NCOR2: variants seen among roughly 807,000 people sequenced by gnomAD.
NCOR2 encodes nuclear receptor corepressor 2.
NCOR2 carries 81 observed loss-of-function variants against 262.9 expected under a neutral mutation model. That is an observed-to-expected ratio of 0.31 (90% confidence interval 0.26 to 0.37). The LOEUF is 0.37. NCOR2 is among the 10% of genes least tolerant of loss of function. The pLI, the probability that NCOR2 is intolerant of heterozygous loss-of-function variation, is 1.00. For missense variants in NCOR2, 3,385 were observed against 3,621.4 expected (o/e 0.93, Z 1.68); for synonymous variants, 1,659 against 1,559.3 (o/e 1.06, Z -1.51).
At chr12:124,509,925 G>A (rs1029297044) in intron 1 of NCOR2, among the ~76,000 whole-genome samples, 1 of 152,032 alleles carries the variant, frequency 6.6e-6, no homozygotes, top group Non-Finnish European at 1.5e-5. Flanking sequence ...GGAACATCAC[G>A]ATCTCTCTTG....
chr12:124,503,907 C>T lies in NCOR2; in HGVS notation c.-117-8539G>A, dbSNP rs1016946723. Reference sequence around the variant, plus strand: ...CATGTCTTCATCCTGCTAATATTCCCAGGCCCTCCCACATGCCCAGCTCCA... The same window carrying T: ...CATGTCTTCATCCTGCTAATATTCCTAGGCCCTCCCACATGCCCAGCTCCA... On this transcript the variant is annotated intron_variant, in intron 1 of 46. Transcript: ENST00000404621. This position sits in a 1 kb window ranked among gnomAD's most constrained non-coding sequence, Gnocchi z 4.3. 6.6e-6 allele frequency among the ~76,000 whole-genome samples: 1 copy of T among 152,186 alleles called. No individual in the cohort carries two copies. The highest frequency in any genetic ancestry group is 1.5e-5 in the Non-Finnish European group (1 of 68,032).
At chr12:124,385,695 C>A in intron 17 of NCOR2, 50 bp downstream of exon 19, 1 of 1,601,482 alleles carries the variant, frequency 6.2e-7, no homozygotes, top group South Asian at 1.1e-5. Flanking sequence ...GCAGTCTGGG[C>A]TCCTCTCCCA....
rs1227955836 is a variant in NCOR2, at chr12:124,440,641, G to A, written c.816-2645C>T. Among the ~76,000 whole-genome samples the A allele has an allele frequency of 6.6e-6, 1 of 152,250 alleles. No homozygotes were observed. Among genetic ancestry groups the A allele is most frequent in the Non-Finnish European group, 1.5e-5 (1 of 68,038 alleles). On this transcript the variant is annotated intron_variant, in intron 7 of 46. Coordinates refer to ENST00000405201, the Ensembl canonical transcript of NCOR2. This position sits in a 1 kb window ranked among gnomAD's most constrained non-coding sequence, Gnocchi z 5.7. The stretch of plus-strand genomic sequence containing the variant: ...GTTCCAGGTGCTGGGGACACAGCAG[G>A]GAGCAAGACACAGTTGAGGGCTCTC...
rs146928914 is a variant in NCOR2 at position 124,447,007 on chromosome 12, C to T, written c.815+2808G>A. Among the ~76,000 whole-genome samples the T allele has an allele frequency of 3.3e-3, 509 of 152,218 alleles. 2 individuals are homozygous for T. Among genetic ancestry groups the T allele is most frequent in the African/African-American group, 0.012 (482 of 41,524 alleles). On this transcript the variant is annotated intron_variant, in intron 7 of 46. Transcript: ENST00000405201. ...TCGGCACACTGCAACCTCCATCTTC[C>T]AGGTTCAAGCAATTCTCCTGCCTCA...
At chr12:124,334,262 G>A (rs893440950) in intron 41 of NCOR2, 162 bp downstream of exon 43, 3 of 541,952 alleles carry the variant, frequency 5.5e-6, no homozygotes, top group South Asian at 2.6e-5. Context: ...TTATGTATCC[G>A]CTCTGTGACT....
chr12:124,350,717 C>T (rs767060790), exon 28 of NCOR2: 2 of 1,612,528 alleles, frequency 1.2e-6, no homozygotes, highest in Non-Finnish European at 8.5e-7. Flanking sequence ...TGCCCTTGTA[C>T]AGGACGTCAG....
At chr12:124,355,275 C>G (rs2037863559) in intron 24 of NCOR2, 157 bp downstream of exon 26, 1 of 880,048 alleles carries the variant, frequency 1.1e-6, no homozygotes. Context: ...CCCTGAGTGC[C>G]TGGGGCAGGA....
chr12:124,500,877 C>T lies in NCOR2; in HGVS notation c.-117-5509G>A, dbSNP rs1257918723. Among the ~76,000 whole-genome samples, 5 of 152,088 alleles carry T rather than the reference C, an allele frequency of 3.3e-5. No individual in the cohort carries two copies. The South Asian group carries it at 1.0e-3, about 32-fold the overall frequency. On this transcript the variant is annotated intron_variant, in intron 1 of 46. Transcript: ENST00000404621. ...TGGGAGCTACAGGATGTGCCCGGAG[C>T]GCTCAGCCGCGGGCTGTGGGGAGGA...
At chr12:124,417,562 C>A (rs1157243777) in intron 13 of NCOR2, among the ~76,000 whole-genome samples, 1 of 152,178 alleles carries the variant, frequency 6.6e-6, no homozygotes, top group African/African-American at 2.4e-5. Context: ...GGAAGGCCAG[C>A]AAGAGAATGA....
chr12:124,503,746 G>GGATGGA lies in NCOR2; in HGVS notation c.-117-8379_-117-8378insTCCATC, dbSNP rs2048902814. ...TGGATGGATGGATGGACGGATGGATGCATGGATGCATGGATGGATGGATGG... is the reference window on the plus strand; with the variant it reads ...TGGATGGATGGATGGACGGATGGATGGATGGACATGGATGCATGGATGGATGGATGG... On this transcript the variant is annotated intron_variant, in intron 1 of 46. Coordinates refer to the NCOR2 transcript ENST00000404621. The surrounding 1 kb of genome is among the most constrained non-coding windows in gnomAD (Gnocchi z 4.3). 6.7e-6 allele frequency among the ~76,000 whole-genome samples: 1 copy of GGATGGA among 149,058 alleles called. No homozygotes were observed.
At chr12:124,339,219 A>ACCCCCCCCCCCCCCC (rs1555300759) in intron 37 of NCOR2, among the ~76,000 whole-genome samples, 7 of 63,344 alleles carry the variant, frequency 1.1e-4, no homozygotes, top group Non-Finnish European at 1.7e-4. Flanking sequence ...TCTACCTACC[A>ACCCCCCCCCCCCCCC]CCCACCCACC....
chr12:124,532,957 T>TC (rs71092206), intron 1 of NCOR2, among the ~76,000 whole-genome samples: 5,827 of 20,424 alleles, frequency 0.29, 729 homozygotes, highest in East Asian at 0.49. Context: ...ATCCCACTCC[T>TC]CTTCCCCCCT....
intron 30 of NCOR2, 156 bp downstream of exon 32, chr12:124,347,669 C>T (rs559806444): frequency 3.3e-5 from 23 of 689,742 alleles, no homozygotes; most frequent in Middle Eastern, 4.1e-4. Context: ...ACCCTTGCTC[C>T]GTAGCTCACG....
At chr12:124,471,045 G>A (rs971060220) in intron 4 of NCOR2, among the ~76,000 whole-genome samples, 6 of 152,214 alleles carry the variant, frequency 3.9e-5, no homozygotes, top group African/African-American at 1.4e-4. Flanking sequence ...CTCTCGGGAT[G>A]CCTGTGCCAC....
intron 1 of NCOR2, among the ~76,000 whole-genome samples, chr12:124,564,857 C>T (rs2052182448): frequency 6.6e-6 from 1 of 151,852 alleles, no homozygotes; most frequent in Non-Finnish European, 1.5e-5. Context: ...GGCCAGGACT[C>T]CTGGGGCTAG....
intron 13 of NCOR2, among the ~76,000 whole-genome samples, chr12:124,408,858 G>T (rs2042416376): frequency 6.6e-6 from 1 of 152,216 alleles, no homozygotes; most frequent in Admixed American, 6.5e-5. Context: ...CATCCGTGCC[G>T]TGGAGGTGAC....
chr12:124,378,332 C>A lies in NCOR2; in HGVS notation c.2072G>T (p.Ser691Ile). The A allele has an allele frequency of 2.5e-6, 4 of 1,613,972 alleles. No homozygotes were observed. The South Asian group carries it at 3.3e-5, about 13-fold the overall frequency. Residue 691 changes from serine to isoleucine, a missense_variant, in exon 18 of 47, where the codon AGC becomes ATC. Physicochemically the swap from Ser to Ile is moderately radical, Grantham distance 142. This residue lies in a region of NCOR2 where 515 missense variants were observed against 781.2 expected (regional missense o/e 0.66). Coordinates refer to ENST00000405201, the Ensembl canonical transcript of NCOR2. The surrounding 1 kb of genome is among the most constrained non-coding windows in gnomAD (Gnocchi z 4.2). ...CACGGGCGGGAATGCAGCCTCCTCG[C>A]TGGCCGCCGCCGGCGCTTTCTTCTT...
chr12:124,503,025 G>A lies in NCOR2; in HGVS notation c.-117-7657C>T, dbSNP rs575999608. On this transcript the variant is annotated intron_variant, in intron 1 of 46. Transcript: ENST00000404621. The surrounding 1 kb of genome is among the most constrained non-coding windows in gnomAD (Gnocchi z 4.3). The stretch of plus-strand genomic sequence containing the variant: ...GCCAGGTACCCAACCCCAGCCTGTC[G>A]TTGGCTCTGCCGGAGGGGCTGAGGG... Among the ~76,000 whole-genome samples the A allele has an allele frequency of 6.6e-6, 1 of 152,292 alleles. No homozygotes were observed. The highest frequency in any genetic ancestry group is 2.4e-5 in the African/African-American group (1 of 41,564).
intron 1 of NCOR2, among the ~76,000 whole-genome samples, chr12:124,557,882 CA>C (rs2051934418): frequency 6.6e-6 from 1 of 152,150 alleles, no homozygotes. Flanking sequence ...CCCCAGGACC[CA>C]GGAAAGGCCC....
Sources: gnomAD v4.1 joint callset for allele counts (sites outside exome capture counted in the v4.1 genomes callset) on GRCh38, gnomAD v4.1.1 for gene constraint, gnomAD v4.1.1 regional missense constraint, Gnocchi (gnomAD v3.1) non-coding constraint, MANE v1.5 for transcripts, NCBI Gene and HGNC (gene_info 2026-07-23, HGNC 2026-07-21) for gene names.